Variants in GPC5 observed in about 807,000 individuals in gnomAD.
GPC5 encodes the protein glypican-5.
In GPC5, 47 loss-of-function variants were observed where a neutral mutation model predicts 53.9. The ratio of observed to expected loss-of-function variants is 0.87; its 90% CI spans 0.69 to 1.11. GPC5 has a LOEUF of 1.11. GPC5 is among the 50% of genes most tolerant of loss of function. The pLI is 0.00. For missense variants in GPC5, 748 were observed against 713.1 expected (o/e 1.05, Z -0.56); for synonymous variants, 286 against 263.3 (o/e 1.09, Z -0.84).
At chr13:92,133,878 T>C (rs1221251390) in intron 6 of GPC5, among the ~76,000 whole-genome samples, 1 of 152,180 alleles carries the variant, frequency 6.6e-6, no homozygotes, top group Non-Finnish European at 1.5e-5. Context: ...TCCGTGGAGA[T>C]AACTGAGATT....
chr13:92,347,076 T>C (rs979290886), intron 7 of GPC5, among the ~76,000 whole-genome samples: 10 of 151,948 alleles, frequency 6.6e-5, no homozygotes, highest in African/African-American at 1.2e-4. Flanking sequence ...ACTTACACAA[T>C]AGAAGTTGCA....
Position 92,751,342 on chromosome 13 carries a change from A to G in GPC5, c.1562-114940A>G, listed in dbSNP as rs1267222940. The stretch of plus-strand genomic sequence containing the variant: ...AAAAAAAAAAAAAAAAAAACCTTCC[A>G]ACCTCATAAAATCTTATTTTGTTCT... On this transcript the variant is annotated intron_variant, in intron 7 of 7. Transcript: ENST00000377067. 2.1e-5 allele frequency among the ~76,000 whole-genome samples: 3 copies of G among 139,764 alleles called. No individual in the cohort carries two copies. In the Admixed American group the frequency reaches 2.2e-4, roughly 10 times the overall value. 91.7% of individuals were successfully genotyped at this position (139,764 alleles called of 152,430 possible).
intron 7 of GPC5, among the ~76,000 whole-genome samples, chr13:92,146,370 CTG>C (rs934965198): frequency 3.3e-5 from 5 of 151,800 alleles, no homozygotes; most frequent in African/African-American, 1.2e-4. Context: ...ATGAAAATGA[CTG>C]TTTCATTTAT....
intron 7 of GPC5, among the ~76,000 whole-genome samples, chr13:92,272,402 G>T (rs1167166324): frequency 6.6e-6 from 1 of 152,138 alleles, no homozygotes; most frequent in Non-Finnish European, 1.5e-5. Context: ...AACTGCCTAT[G>T]ATGTAACCAT....
intron 7 of GPC5, among the ~76,000 whole-genome samples, chr13:92,550,117 AT>A (rs1002819194): frequency 1.3e-5 from 2 of 151,750 alleles, no homozygotes; most frequent in African/African-American, 4.8e-5. Context: ...AGGTTGTGAA[AT>A]TTTTATTTCT....
At chr13:91,628,022 A>G (rs1054626491) in intron 2 of GPC5, among the ~76,000 whole-genome samples, 5 of 152,130 alleles carry the variant, frequency 3.3e-5, no homozygotes, top group Admixed American at 2.0e-4. Flanking sequence ...AAATTTTAAT[A>G]AATCTAAATA....
At chr13:91,549,764 A>G (rs2030517560) in intron 2 of GPC5, among the ~76,000 whole-genome samples, 2 of 152,144 alleles carry the variant, frequency 1.3e-5, no homozygotes, top group Admixed American at 1.3e-4. Flanking sequence ...CCCACACTAA[A>G]TGCTGGTGAG....
chr13:91,588,716 C>G (rs550650128), intron 2 of GPC5, among the ~76,000 whole-genome samples: 31 of 152,232 alleles, frequency 2.0e-4, no homozygotes, highest in Admixed American at 7.9e-4. Flanking sequence ...CTCTTGATCT[C>G]TCTTTCTTCT....
intron 7 of GPC5, among the ~76,000 whole-genome samples, chr13:92,203,720 C>A (rs1332649043): frequency 6.7e-6 from 1 of 148,704 alleles, no homozygotes; most frequent in Non-Finnish European, 1.5e-5. Flanking sequence ...CTTTACCATC[C>A]AGTCATTTGA....
intron 4 of GPC5, among the ~76,000 whole-genome samples, chr13:91,733,464 G>A (rs1374607989): frequency 6.6e-6 from 1 of 152,168 alleles, no homozygotes; most frequent in African/African-American, 2.4e-5. Flanking sequence ...CCATGAGGAT[G>A]GAATGTTTTT....
At chr13:91,745,638 T>A (rs1327152658) in intron 4 of GPC5, among the ~76,000 whole-genome samples, 1 of 152,136 alleles carries the variant, frequency 6.6e-6, no homozygotes, top group Non-Finnish European at 1.5e-5. Flanking sequence ...TCTGTCTCTT[T>A]GAGAAAGGTG....
chr13:91,556,753 A>C (rs1425090264), intron 2 of GPC5, among the ~76,000 whole-genome samples: 1 of 151,960 alleles, frequency 6.6e-6, no homozygotes. Flanking sequence ...CTCACTCATA[A>C]GTGGGAGCTA....
chr13:92,805,486 G>C (rs760991318), intron 7 of GPC5, among the ~76,000 whole-genome samples: 4 of 151,886 alleles, frequency 2.6e-5, no homozygotes, highest in Non-Finnish European at 4.4e-5. Flanking sequence ...ACCCTAGCTG[G>C]AGTGCACGGG....
intron 7 of GPC5, among the ~76,000 whole-genome samples, chr13:92,271,188 T>C (rs1178004947): frequency 6.6e-6 from 1 of 152,208 alleles, no homozygotes. Flanking sequence ...CAAGTAACTT[T>C]CTATGTAGAG....
At chr13:92,508,427 A>C (rs1205366768) in intron 7 of GPC5, among the ~76,000 whole-genome samples, 10 of 152,164 alleles carry the variant, frequency 6.6e-5, no homozygotes, top group Non-Finnish European at 1.5e-4. Context: ...CAGAACTTTT[A>C]ATACAAGAAA....
intron 5 of GPC5, among the ~76,000 whole-genome samples, chr13:91,793,809 A>G (rs146953264): frequency 6.6e-6 from 1 of 152,236 alleles, no homozygotes; most frequent in African/African-American, 2.4e-5. Context: ...AGATGCTTAT[A>G]AAACCATCAG....
At chr13:91,607,121 C>T (rs1214396521) in intron 2 of GPC5, among the ~76,000 whole-genome samples, 1 of 152,044 alleles carries the variant, frequency 6.6e-6, no homozygotes, top group African/African-American at 2.4e-5. Flanking sequence ...TTTAGTTAAA[C>T]CTTCTGAGGA....
At chr13:91,792,624 G>T (rs551735146) in intron 5 of GPC5, among the ~76,000 whole-genome samples, 2 of 152,064 alleles carry the variant, frequency 1.3e-5, no homozygotes, top group Admixed American at 6.6e-5. Context: ...AGCCTAGCAG[G>T]GTATTTTTTT....
intron 6 of GPC5, among the ~76,000 whole-genome samples, chr13:92,019,632 A>G (rs2040739209): frequency 6.6e-6 from 1 of 152,038 alleles, no homozygotes; most frequent in Non-Finnish European, 1.5e-5. Flanking sequence ...TAAAATGGAG[A>G]GCTAATTATA....
Sources: allele counts gnomAD v4.1 joint callset (sites outside exome capture counted in the v4.1 genomes callset), GRCh38; gene constraint gnomAD v4.1.1; transcripts MANE v1.5; gene names NCBI Gene and HGNC (gene_info 2026-07-23, HGNC 2026-07-21).